KLHL13: variants seen among roughly 807,000 people sequenced by gnomAD.
KLHL13 encodes the protein kelch-like protein 13.
A neutral mutation model predicts 37.1 loss-of-function variants in KLHL13; 10 were observed. That is an observed-to-expected ratio of 0.27 (90% confidence interval 0.17 to 0.46). The LOEUF (loss-of-function observed/expected upper bound fraction) is 0.46. Among genes scored for constraint, KLHL13 ranks in the 20% least tolerant of loss-of-function variants. KLHL13 has a pLI of 1.00. For synonymous variants in KLHL13, 163 were observed against 181.2 expected, an observed-to-expected ratio of 0.90 and a Z score of 0.81; for missense variants, 360 against 509.3, an observed-to-expected ratio of 0.71 and a Z score of 2.82.
intron 4 of KLHL13, among the ~76,000 whole-genome samples, chrX:117,917,567 T>C (rs1931447831): frequency 8.9e-6 from 1 of 112,554 alleles, no homozygotes; most frequent in Admixed American, 9.4e-5. Context: ...AAAGTGACTA[T>C]GGTCTCATCT....
In KLHL13 at chrX:117,926,885, C is replaced by CTTT. The variant is rs10596292; in HGVS notation, c.241-6518_241-6516dup. ...AAGCTCCAGGAGAAGCCCCCTACTT[C>CTTT]TTTTTTTTTTTTTTTTTTTTTTTTT... On this transcript the variant is annotated intron_variant, in intron 2 of 6. Coordinates refer to ENST00000262820, the Ensembl canonical transcript of KLHL13. Among the ~76,000 whole-genome samples, 132 of 26,152 alleles carry CTTT rather than the reference C, an allele frequency of 5.0e-3. 33 individuals are homozygous for CTTT. The highest frequency in any genetic ancestry group is 0.012 in the East Asian group (9 of 763). 22.7% of individuals were successfully genotyped at this position (26,152 alleles called of 115,157 possible). A position where few individuals can be genotyped will look rare whatever the true frequency, so the allele number is the denominator to read the frequency against.
Position 118,097,136 on chromosome X carries a change from A to C in KLHL13, c.-56+19372T>G, listed in dbSNP as rs376608896. The stretch of plus-strand genomic sequence containing the variant: ...TTCAATTAGGAAAAGAGGAAGTCAA[A>C]TTGTCCCTGTTTGCAGATGACATGA... On this transcript the variant is annotated intron_variant, in intron 1 of 6. Transcript: ENST00000371882. 9.2e-4 allele frequency among the ~76,000 whole-genome samples: 103 copies of C among 111,595 alleles called. No homozygotes were observed. The East Asian group carries it at 0.023, about 24-fold the overall frequency.
chrX:118,052,772 A>G, intron 1 of KLHL13, among the ~76,000 whole-genome samples: 1 of 109,823 alleles, frequency 9.1e-6, no homozygotes, highest in Non-Finnish European at 1.9e-5. Flanking sequence ...GGTTGCAGTG[A>G]GCCAAGATCG....
chrX:118,009,983 GA>G (rs2054040978), intron 1 of KLHL13, among the ~76,000 whole-genome samples: 1 of 110,665 alleles, frequency 9.0e-6, no homozygotes, highest in South Asian at 3.9e-4. Context: ...AAAAAACAAT[GA>G]AAAAATGCTC....
At chrX:117,974,034 A>G (rs1485013928), upstream of KLHL13, among the ~76,000 whole-genome samples, 1 of 111,025 alleles carries the variant, frequency 9.0e-6, no homozygotes, top group African/African-American at 3.3e-5. Flanking sequence ...GCAATGGCAA[A>G]TAAAGGGCTC....
At chrX:118,110,216 T>C (rs2055392925) in intron 1 of KLHL13, among the ~76,000 whole-genome samples, 1 of 110,348 alleles carries the variant, frequency 9.1e-6, no homozygotes, top group African/African-American at 3.3e-5. Flanking sequence ...CCTTTGCATG[T>C]TTTTAATCTT....
At chrX:118,011,941 T>C (rs994371546) in intron 1 of KLHL13, among the ~76,000 whole-genome samples, 2 of 112,414 alleles carry the variant, frequency 1.8e-5, no homozygotes, top group East Asian at 2.8e-4. Context: ...AAGAAAAATA[T>C]AGATAAATAT....
intron 1 of KLHL13, among the ~76,000 whole-genome samples, chrX:118,097,326 A>C (rs1234600573): frequency 1.8e-5 from 2 of 111,721 alleles, no homozygotes; most frequent in Non-Finnish European, 3.8e-5. Context: ...ACTCCCATTC[A>C]CAATTGCTTC....
chrX:118,017,847 C>T (rs2054144977), intron 1 of KLHL13, among the ~76,000 whole-genome samples: 1 of 111,288 alleles, frequency 9.0e-6, no homozygotes, highest in Non-Finnish European at 1.9e-5. Context: ...AAATACCAGA[C>T]GATATTTTAT....
intron 1 of KLHL13, among the ~76,000 whole-genome samples, chrX:117,960,184 C>T (rs1421123734): frequency 9.1e-6 from 1 of 110,157 alleles, no homozygotes; most frequent in Non-Finnish European, 1.9e-5. Context: ...TAGGAGTTCA[C>T]GACCAGTCTT....
Position 117,972,100 on chromosome X carries a change from T to A in KLHL13, c.98+631A>T, listed in dbSNP as rs187769780. ...TACGTATTTACTTAAAATACATTTT[T>A]AAAACAGACATTTGTAGAATACTTT... is the stretch of plus-strand genomic sequence containing the variant. On this transcript the variant is annotated intron_variant, in intron 1 of 6. Transcript: ENST00000262820. Among the ~76,000 whole-genome samples the A allele has an allele frequency of 3.6e-5, 4 of 112,202 alleles. No individual in the cohort carries two copies. In the East Asian group the frequency reaches 1.1e-3, roughly 31 times the overall value.
intron 2 of KLHL13, among the ~76,000 whole-genome samples, chrX:117,941,034 G>T (rs745398744): frequency 1.8e-5 from 2 of 112,134 alleles, no homozygotes; most frequent in East Asian, 5.6e-4. Flanking sequence ...TTTTCAAAGA[G>T]AATGCTTCCA....
At position 118,083,429 on chromosome X, in the gene KLHL13, C is replaced by CA. The variant is rs200662783; in HGVS notation, c.-56+33078dup. On this transcript the variant is annotated intron_variant, in intron 1 of 6. Transcript: ENST00000371882. ...AAGGAATGCAACCTGTCATTTGTGACAAAATTGATGAACTTAGAGGACATT... is the reference window on the plus strand; with the variant it reads ...AAGGAATGCAACCTGTCATTTGTGACAAAAATTGATGAACTTAGAGGACATT... Among the ~76,000 whole-genome samples, 1,014 of 111,655 alleles carry CA rather than the reference C, an allele frequency of 9.1e-3. 10 individuals are homozygous for CA. Among genetic ancestry groups the CA allele is most frequent in the African/African-American group, 0.029 (894 of 30,760 alleles).
intron 1 of KLHL13, among the ~76,000 whole-genome samples, chrX:118,071,053 A>C (rs1378672016): frequency 1.8e-5 from 2 of 111,111 alleles, no homozygotes; most frequent in Non-Finnish European, 3.8e-5. Context: ...GATGATTTCC[A>C]ACTTCATCCA....
chrX:118,002,535 G>T (rs2147969848), intron 1 of KLHL13, among the ~76,000 whole-genome samples: 1 of 108,864 alleles, frequency 9.2e-6, no homozygotes, highest in East Asian at 2.9e-4. Flanking sequence ...GGAGGTTACG[G>T]TGAGCTGAGA....
chrX:117,972,970 A>C, exon 1 of KLHL13: 2 of 1,073,477 alleles, frequency 1.9e-6, no homozygotes, highest in Non-Finnish European at 2.4e-6. Context: ...CCTTAAACCG[A>C]TGCTTCCAAT....
chrX:118,027,429 A>T (rs1186357025), intron 1 of KLHL13, among the ~76,000 whole-genome samples: 1 of 111,212 alleles, frequency 9.0e-6, no homozygotes, highest in Non-Finnish European at 1.9e-5. Context: ...AATTCCCAGG[A>T]CGCTCAGTTC....
chrX:117,967,534 C>T (rs1378049915), intron 1 of KLHL13, among the ~76,000 whole-genome samples: 1 of 111,375 alleles, frequency 9.0e-6, no homozygotes, highest in Non-Finnish European at 1.9e-5. Context: ...GAAATTCTGC[C>T]TCTCTTCCCT....
At chrX:117,989,828 A>G (rs935656125) in intron 1 of KLHL13, among the ~76,000 whole-genome samples, 1 of 111,491 alleles carries the variant, frequency 9.0e-6, no homozygotes, top group South Asian at 3.7e-4. Flanking sequence ...CTTAGAAGAT[A>G]CAGGTAATGG....
Sources: gnomAD v4.1 joint callset for allele counts (sites outside exome capture counted in the v4.1 genomes callset) on GRCh38, gnomAD v4.1.1 for gene constraint, MANE v1.5 for transcripts, NCBI Gene and HGNC (gene_info 2026-07-23, HGNC 2026-07-21) for gene names.